The following COL22A1 variants were observed in gnomAD, a reference collection of about 807,000 sequenced individuals.
COL22A1 encodes the protein collagen alpha-1(XXII) chain.
Under a neutral mutation model 248.9 loss-of-function variants are expected in COL22A1, and 221 were observed. The observed-to-expected ratio is 0.89, with a 90% CI of 0.80 to 0.99. COL22A1 has a LOEUF of 0.99. Among genes scored for constraint, COL22A1 ranks in the 50% least tolerant of loss-of-function variants. The pLI is 0.00. For synonymous variants in COL22A1, 891 were observed against 793.4 expected, an observed-to-expected ratio of 1.12 and a Z score of -2.07; for missense variants, 2,240 against 2,179.0, an observed-to-expected ratio of 1.03 and a Z score of -0.56.
chr8:138,659,166 A>T (rs1823562890), intron 44 of COL22A1, among the ~76,000 whole-genome samples: 1 of 152,174 alleles, frequency 6.6e-6, no homozygotes, highest in South Asian at 2.1e-4. Flanking sequence ...AGCTGACTCT[A>T]CAGGGGAGGA....
chr8:138,856,591 TGAGAGAGAGAGA>T (rs148698442), intron 3 of COL22A1, among the ~76,000 whole-genome samples: 8 of 105,832 alleles, frequency 7.6e-5, no homozygotes, highest in African/African-American at 1.9e-4. Flanking sequence ...ACAGAGGCAG[TGAGAGAGAGAGA>T]GAGAGAGAGA....
chr8:138,796,702 C>G, intron 12 of COL22A1, 117 bp downstream of exon 12: 2 of 782,410 alleles, frequency 2.6e-6, no homozygotes, highest in Non-Finnish European at 2.3e-6. Flanking sequence ...GCCCAGGACA[C>G]CTCTTTTCCC....
At chr8:138,594,229 T>A (rs1817332865) in intron 62 of COL22A1, 30 bp from the exon 63 acceptor site, 1 of 1,554,002 alleles carries the variant, frequency 6.4e-7, no homozygotes, top group African/African-American at 1.4e-5. Flanking sequence ...AGGCATTTCA[T>A]GAAGAACAGA....
chr8:138,693,043 T>C (rs1827215389), intron 35 of COL22A1, among the ~76,000 whole-genome samples: 2 of 152,162 alleles, frequency 1.3e-5, no homozygotes, highest in African/African-American at 4.8e-5. Flanking sequence ...CAGCCCGTCC[T>C]GCCTTCCGCC....
intron 7 of COL22A1, among the ~76,000 whole-genome samples, chr8:138,815,877 C>T (rs1563802023): frequency 6.6e-6 from 1 of 152,158 alleles, no homozygotes; most frequent in African/African-American, 2.4e-5. Context: ...GACCACTCCC[C>T]TGCTCCCTTC....
chr8:138,812,408 T>C lies in COL22A1; in HGVS notation c.1327-487A>G, dbSNP rs1818316227. 2.0e-5 allele frequency among the ~76,000 whole-genome samples: 3 copies of C among 152,228 alleles called. No individual in the cohort carries two copies. The South Asian group carries it at 6.2e-4, about 32-fold the overall frequency. On this transcript the variant is annotated intron_variant, in intron 8 of 64. Coordinates refer to ENST00000303045, the MANE Select transcript of COL22A1 (RefSeq NM_152888.3). ...CCCGGGAAGCAGGCTCCATTATTAT[T>C]TGAGTCTTTCAAGCAAGCCTTGTGA...
intron 15 of COL22A1, 180 bp downstream of exon 15, chr8:138,778,173 C>A (rs906209442): frequency 1.4e-6 from 1 of 721,050 alleles, no homozygotes; most frequent in Non-Finnish European, 2.5e-6. Flanking sequence ...CTGGGTGATT[C>A]TTATGGACTG....
chr8:138,590,779 A>T (rs1170831023), intron 64 of COL22A1, among the ~76,000 whole-genome samples: 7 of 152,188 alleles, frequency 4.6e-5, no homozygotes, highest in Non-Finnish European at 8.8e-5. Context: ...TTATTGCTGC[A>T]TTGCAGAGAT....
chr8:138,648,564 C>T (rs1822404315), intron 46 of COL22A1, among the ~76,000 whole-genome samples: 1 of 151,820 alleles, frequency 6.6e-6, no homozygotes, highest in Non-Finnish European at 1.5e-5. Flanking sequence ...TGTGTAAATC[C>T]TTTTAAAAGG....
At chr8:138,821,768 G>A (rs775304520) in intron 6 of COL22A1, among the ~76,000 whole-genome samples, 1 of 150,618 alleles carries the variant, frequency 6.6e-6, no homozygotes, top group Non-Finnish European at 1.5e-5. Context: ...CATGCACAGA[G>A]GGGCTTGAGT....
At chr8:138,769,140 G>C (rs1834151043) in intron 16 of COL22A1, among the ~76,000 whole-genome samples, 2 of 152,084 alleles carry the variant, frequency 1.3e-5, no homozygotes, top group Non-Finnish European at 2.9e-5. Flanking sequence ...TCCCCTCTAA[G>C]CTGTGAGTTT....
intron 11 of COL22A1, among the ~76,000 whole-genome samples, chr8:138,798,737 A>G (rs560075974): frequency 6.6e-6 from 1 of 152,316 alleles, no homozygotes; most frequent in South Asian, 2.1e-4. Flanking sequence ...TTCCTTGTAA[A>G]TAATGAGTCA....
rs1321463490 is a variant in COL22A1 at position 138,598,756 on chromosome 8, G to C, written c.4328C>G (p.Pro1443Arg). The change falls in exon 61 of 65, where the codon CCA becomes CGA. Residue 1443 changes from proline to arginine, a missense_variant. Transcript: ENST00000303045. ...LPGENGPVGP[P>R]GPPGQPGFPG... The stretch of plus-strand genomic sequence containing the variant: ...AAATCCCGGCTGGCCTGGAGGCCCT[G>C]GGGGTCCAACTGGTCCATTCTCCCC... 3 of 1,613,846 alleles carry C rather than the reference G, an allele frequency of 1.9e-6. No homozygotes were observed. The highest frequency in any genetic ancestry group is 1.7e-5 in the Admixed American group (1 of 59,996).
At chr8:138,668,340 A>G (rs1260085251) in intron 41 of COL22A1, among the ~76,000 whole-genome samples, 1 of 152,150 alleles carries the variant, frequency 6.6e-6, no homozygotes, top group African/African-American at 2.4e-5. Context: ...TGTTTATTTT[A>G]CTATTCTACC....
intron 60 of COL22A1, among the ~76,000 whole-genome samples, chr8:138,599,266 G>A (rs1817803263): frequency 6.6e-6 from 1 of 151,968 alleles, no homozygotes. Context: ...CACGAGGTCA[G>A]GAGATCGAGA....
intron 14 of COL22A1, 76 bp from the exon 15 acceptor site, chr8:138,778,482 TC>T (rs777061436): frequency 3.7e-6 from 5 of 1,349,632 alleles, no homozygotes; most frequent in Non-Finnish European, 5.0e-6. Flanking sequence ...GCTCAGCCAG[TC>T]CCACGTTTGG....
At chr8:138,770,296 G>A (rs555300185) in intron 16 of COL22A1, among the ~76,000 whole-genome samples, 1 of 152,272 alleles carries the variant, frequency 6.6e-6, no homozygotes, top group South Asian at 2.1e-4. Context: ...GGCCCTTTTT[G>A]TGTGTAGACT....
intron 22 of COL22A1, among the ~76,000 whole-genome samples, chr8:138,749,278 T>G (rs1832393022): frequency 6.6e-6 from 1 of 152,196 alleles, no homozygotes; most frequent in Non-Finnish European, 1.5e-5. Flanking sequence ...ATACAGAAGG[T>G]ATGAGCCTGG....
chr8:138,855,003 C>A (rs1821915867), intron 3 of COL22A1, among the ~76,000 whole-genome samples: 1 of 152,058 alleles, frequency 6.6e-6, no homozygotes, highest in Admixed American at 6.6e-5. Context: ...ACTCAGATAG[C>A]CAGCAGTCAA....
Sources: allele counts gnomAD v4.1 joint callset (sites outside exome capture counted in the v4.1 genomes callset), GRCh38; gene constraint gnomAD v4.1.1; transcripts MANE v1.5; gene names NCBI Gene and HGNC (gene_info 2026-07-23, HGNC 2026-07-21).